Variants in TMEM131 observed in about 807,000 individuals in gnomAD.
TMEM131 encodes the protein 2610524E03Rik.
Under a neutral mutation model 211.6 loss-of-function variants are expected in TMEM131, and 66 were observed. The ratio of observed to expected loss-of-function variants is 0.31; its 90% CI spans 0.26 to 0.38. The LOEUF (loss-of-function observed/expected upper bound fraction) is 0.38. TMEM131 is among the 10% of genes least tolerant of loss of function. The probability of loss-of-function intolerance (pLI) is 1.00; values close to 1 mark genes in which losing one functional copy is unlikely to be tolerated. For missense variants in TMEM131, 2,036 were observed against 2,299.3 expected (o/e 0.89, Z 2.34); for synonymous variants, 844 against 841.3 (o/e 1.00, Z -0.06).
chr2:97,957,020 C>T lies in TMEM131; in HGVS notation c.188-29533G>A, dbSNP rs868816689. The stretch of plus-strand genomic sequence containing the variant: ...GCAGAGGCAGGAGAATAGCTTGAAC[C>T]CGGGAGGCGGAGGTTGCAGTAAGCC... On this transcript the variant is annotated intron_variant, in intron 1 of 40. Coordinates refer to ENST00000186436, the MANE Select transcript of TMEM131 (RefSeq NM_015348.2). Among the ~76,000 whole-genome samples, 13 of 151,796 alleles carry T rather than the reference C, an allele frequency of 8.6e-5. No individual in the cohort carries two copies. The Middle Eastern group carries it at 0.01, about 119-fold the overall frequency.
intron 25 of TMEM131, among the ~76,000 whole-genome samples, chr2:97,800,285 A>C (rs911410192): frequency 6.6e-6 from 1 of 152,132 alleles, no homozygotes; most frequent in Non-Finnish European, 1.5e-5. Flanking sequence ...CTCCTCCTGA[A>C]TTTCTTATTT....
chr2:97,978,608 C>T (rs752695662), intron 1 of TMEM131, among the ~76,000 whole-genome samples: 1 of 152,144 alleles, frequency 6.6e-6, no homozygotes, highest in Non-Finnish European at 1.5e-5. Flanking sequence ...GGTCCTTGAA[C>T]TCCTGGGCTC....
intron 6 of TMEM131, among the ~76,000 whole-genome samples, chr2:97,842,751 C>A (rs367818325): frequency 5.9e-5 from 9 of 152,298 alleles, no homozygotes; most frequent in South Asian, 2.1e-4. Flanking sequence ...CTGATCATGA[C>A]CCTCAATAGT....
chr2:97,881,613 C>CT (rs1248586479), intron 4 of TMEM131, among the ~76,000 whole-genome samples: 1 of 148,946 alleles, frequency 6.7e-6, no homozygotes, highest in Non-Finnish European at 1.5e-5. Flanking sequence ...CTTGAACAGA[C>CT]CACAAGCAAT....
intron 11 of TMEM131, among the ~76,000 whole-genome samples, chr2:97,824,064 G>T (rs553098976): frequency 5.3e-5 from 8 of 152,300 alleles, no homozygotes; most frequent in African/African-American, 1.7e-4. Context: ...GTTCAGAGAG[G>T]AAAGAAAATT....
intron 4 of TMEM131, among the ~76,000 whole-genome samples, chr2:97,878,803 A>T (rs1674801500): frequency 6.6e-6 from 1 of 152,184 alleles, no homozygotes; most frequent in South Asian, 2.1e-4. Context: ...CTATGTAACA[A>T]AACTGCACGT....
rs1256525249 is a variant in TMEM131, at chr2:97,757,281, T to C, written c.5470A>G (p.Asn1824Asp). Reference sequence around the variant, plus strand: ...ATGAGGCCGATGCTTGCCAGCGTGTTTGCTGGAGTGGTGAAGGGAAGGGCG... The same window carrying C: ...ATGAGGCCGATGCTTGCCAGCGTGTCTGCTGGAGTGGTGAAGGGAAGGGCG... ...SSALPFTTPA[N>D]TLASIGLMGT... The change falls in exon 41 of 41, where the codon AAC becomes GAC. Residue 1824 changes from asparagine (N) to aspartate (D), a missense_variant. By Grantham distance (23) the Asn-to-Asp change is conservative. Around this residue, in one of 3 missense-constraint regions of TMEM131, gnomAD observed 1,623 missense variants for 1,805.9 expected, o/e 0.90. Coordinates refer to ENST00000186436, the MANE Select transcript of TMEM131 (RefSeq NM_015348.2). The C allele has an allele frequency of 2.5e-6, 4 of 1,613,702 alleles. No individual in the cohort carries two copies. Among genetic ancestry groups the C allele is most frequent in the African/African-American group, 1.3e-5 (1 of 74,862 alleles).
At chr2:97,940,007 T>C (rs1373186710) in intron 1 of TMEM131, among the ~76,000 whole-genome samples, 3 of 152,198 alleles carry the variant, frequency 2.0e-5, no homozygotes, top group African/African-American at 7.2e-5. Context: ...AAACTAGGTA[T>C]TGATGGGACA....
At chr2:97,838,426 C>CTTTTTTTTTTTTTTTTTTTTTT (rs753635047) in intron 7 of TMEM131, among the ~76,000 whole-genome samples, 5 of 89,090 alleles carry the variant, frequency 5.6e-5, no homozygotes, top group African/African-American at 2.1e-4. Flanking sequence ...TAAGCTTAAA[C>CTTTTTTTTTTTTTTTTTTTTTT]TTTTTTTTTT....
chr2:97,802,500 G>A lies in TMEM131; in HGVS notation c.2579C>T (p.Pro860Leu), dbSNP rs1681080214. The change falls in exon 24 of 41, where the codon CCT becomes CTT. Residue 860 changes from proline to leucine, a missense_variant. This residue lies in a region of TMEM131 where 1,623 missense variants were observed against 1,805.9 expected (regional missense o/e 0.90). Transcript: ENST00000186436. ...CAGAGGAATAAACTGAACATAGACAGGAACATCTGCAGGATTTTCTAAAGT... is the reference window on the plus strand; with the variant it reads ...CAGAGGAATAAACTGAACATAGACAAGAACATCTGCAGGATTTTCTAAAGT... Reference protein sequence around the residue: ...EITLENPADVPVYVQFIPLAL... With the variant: ...EITLENPADVLVYVQFIPLAL... 1.2e-6 allele frequency: 2 copies of A among 1,612,206 alleles called. No homozygotes were observed. Among genetic ancestry groups the A allele is most frequent in the Non-Finnish European group, 1.7e-6 (2 of 1,179,312 alleles).
chr2:97,799,600 A>C (rs1218558780), intron 25 of TMEM131, among the ~76,000 whole-genome samples: 1 of 152,222 alleles, frequency 6.6e-6, no homozygotes, highest in Non-Finnish European at 1.5e-5. Context: ...ATTTGTATTC[A>C]CCATTGTGAG....
chr2:97,820,373 ACTGGGAAAAGTTCCATT>A (rs1682052902), intron 11 of TMEM131, among the ~76,000 whole-genome samples: 1 of 152,226 alleles, frequency 6.6e-6, no homozygotes, highest in Non-Finnish European at 1.5e-5. Flanking sequence ...TGTAAGACAA[ACTGGGAAAAGTTCCATT>A]TGGTTATACT....
chr2:97,924,960 G>A (rs1372820759), intron 2 of TMEM131, among the ~76,000 whole-genome samples: 1 of 152,132 alleles, frequency 6.6e-6, no homozygotes, highest in East Asian at 1.9e-4. Flanking sequence ...GCTCACTGAA[G>A]TCTCGACCTC....
chr2:97,799,778 T>C (rs2104916070), intron 25 of TMEM131, among the ~76,000 whole-genome samples: 1 of 152,256 alleles, frequency 6.6e-6, no homozygotes, highest in South Asian at 2.1e-4. Flanking sequence ...GTGTTATAAA[T>C]AAAAAGGCAA....
chr2:97,760,033 C>T, intron 38 of TMEM131: 1 of 381,970 alleles, frequency 2.6e-6, no homozygotes, highest in South Asian at 4.0e-5. Flanking sequence ...CTTTTTGGTA[C>T]TGGAAGATTT....
rs757559985 is a variant in TMEM131 at position 97,757,201 on chromosome 2, G to A, written c.5550C>T (p.Asp1850=). 2.9e-5 allele frequency: 46 copies of A among 1,613,994 alleles called. No homozygotes were observed. The highest frequency in any genetic ancestry group is 5.5e-5 in the South Asian group (5 of 91,084). Reference sequence around the variant, plus strand: ...ACGGGTTGTAGGTCTGTCCCAAGTCGTCAGCTGGACTGGAGGTGGAGGGAG... The same window carrying A: ...ACGGGTTGTAGGTCTGTCCCAAGTCATCAGCTGGACTGGAGGTGGAGGGAG... ...PHAPSTSSPA[D]DLGQTYNPWR... The change falls in exon 41 of 41, where the codon GAC becomes GAT. Residue 1850 remains aspartate (D), a synonymous_variant. Coordinates refer to ENST00000186436, the MANE Select transcript of TMEM131 (RefSeq NM_015348.2).
intron 39 of TMEM131, 33 bp downstream of exon 39, chr2:97,759,619 T>C (rs1678710896): frequency 6.5e-7 from 1 of 1,536,190 alleles, no homozygotes; most frequent in Non-Finnish European, 9.0e-7. Flanking sequence ...GTCCACAGGC[T>C]TATTAGTTAC....
chr2:97,822,684 G>A (rs533063417), intron 11 of TMEM131, among the ~76,000 whole-genome samples: 3 of 152,222 alleles, frequency 2.0e-5, no homozygotes, highest in African/African-American at 7.2e-5. Flanking sequence ...TTGTGGTCTA[G>A]GAGGAAAACT....
At chr2:97,938,007 T>C (rs905054876) in intron 1 of TMEM131, among the ~76,000 whole-genome samples, 14 of 152,156 alleles carry the variant, frequency 9.2e-5, no homozygotes, top group Non-Finnish European at 2.1e-4. Flanking sequence ...AGGCCTGCCT[T>C]ACAAGAGCTC....
Sources: allele counts gnomAD v4.1 joint callset (sites outside exome capture counted in the v4.1 genomes callset), GRCh38; gene constraint gnomAD v4.1.1; regional missense constraint gnomAD v4.1.1; transcripts MANE v1.5; gene names NCBI Gene and HGNC (gene_info 2026-07-23, HGNC 2026-07-21).